Variants in CHMP5 observed in about 807,000 individuals in gnomAD.
CHMP5 encodes SNF7 domain containing 2.
CHMP5 carries 17 observed loss-of-function variants against 33.0 expected under a neutral mutation model. That is an observed-to-expected ratio of 0.52 (90% confidence interval 0.35 to 0.77). The LOEUF (loss-of-function observed/expected upper bound fraction) is 0.77. Among genes scored for constraint, CHMP5 ranks in the 30% least tolerant of loss-of-function variants. The pLI is 0.01. For missense variants in CHMP5, 216 were observed against 261.5 expected, an observed-to-expected ratio of 0.83 and a Z score of 1.20; for synonymous variants, 76 against 90.2, an observed-to-expected ratio of 0.84 and a Z score of 0.89.
Position 33,266,008 on chromosome 9 carries a change from A to AC in CHMP5, c.70-2_70-1insC. 1 of 1,602,906 alleles carries AC rather than the reference A, an allele frequency of 6.2e-7. No homozygotes were observed. The highest frequency in any genetic ancestry group is 1.7e-4 in the Middle Eastern group (1 of 6,038). On this transcript the variant is annotated splice_acceptor_variant, in intron 1 of 7. Coordinates refer to ENST00000223500, the MANE Select transcript of CHMP5 (RefSeq NM_016410.6). LOFTEE classifies it high-confidence loss of function. Reference sequence around the variant, plus strand: ...CCAGTGCATTTGATATTTTCCCCTAAGGTGGACAGTAGAGCAGAATCCATT... The same window carrying AC: ...CCAGTGCATTTGATATTTTCCCCTAACGGTGGACAGTAGAGCAGAATCCATT...
chr9:33,277,986 C>T (rs1820875077), intron 6 of CHMP5, 127 bp from the exon 7 acceptor site: 2 of 591,514 alleles, frequency 3.4e-6, no homozygotes, highest in Non-Finnish European at 3.0e-6. Flanking sequence ...GTAATGGTCA[C>T]ACAGCATACA....
chr9:33,279,517 A>G (rs1479503764), intron 7 of CHMP5, among the ~76,000 whole-genome samples: 1 of 152,090 alleles, frequency 6.6e-6, no homozygotes, highest in African/African-American at 2.4e-5. Context: ...GCAACCCATG[A>G]AATAATTTTT....
At chr9:33,271,876 T>C (rs936701523) in intron 5 of CHMP5, among the ~76,000 whole-genome samples, 4 of 152,182 alleles carry the variant, frequency 2.6e-5, no homozygotes, top group Non-Finnish European at 5.9e-5. Context: ...TTCGATGATA[T>C]TTAGTCTGTT....
At chr9:33,265,886 C>A (rs1036431244) in intron 1 of CHMP5, 124 bp from the exon 2 acceptor site, 13 of 565,366 alleles carry the variant, frequency 2.3e-5, no homozygotes, top group Non-Finnish European at 3.5e-5. Context: ...CTTTGTGAAC[C>A]ACTGTTTTTC....
chr9:33,268,237 G>A (rs1266157708), intron 3 of CHMP5, among the ~76,000 whole-genome samples: 1 of 152,164 alleles, frequency 6.6e-6, no homozygotes, highest in Admixed American at 6.5e-5. Context: ...AGCCTTATAT[G>A]GTTAGTGACT....
chr9:33,266,346 C>T (rs1820723624), intron 2 of CHMP5, among the ~76,000 whole-genome samples: 1 of 152,192 alleles, frequency 6.6e-6, no homozygotes, highest in African/African-American at 2.4e-5. Flanking sequence ...GTGGCAGGCG[C>T]CTGTAATCCC....
intron 5 of CHMP5, among the ~76,000 whole-genome samples, chr9:33,272,590 G>C (rs767134162): frequency 2.0e-5 from 3 of 152,056 alleles, no homozygotes; most frequent in Non-Finnish European, 2.9e-5. Flanking sequence ...GGATCATGAG[G>C]TCAGGAGATC....
At chr9:33,267,278 C>T (rs1302762966) in intron 2 of CHMP5, among the ~76,000 whole-genome samples, 1 of 152,170 alleles carries the variant, frequency 6.6e-6, no homozygotes, top group Non-Finnish European at 1.5e-5. Flanking sequence ...GGTAGGAAAG[C>T]CCATTTAGAT....
At chr9:33,273,094 C>G (rs1249750466) in intron 5 of CHMP5, among the ~76,000 whole-genome samples, 1 of 152,036 alleles carries the variant, frequency 6.6e-6, no homozygotes, top group African/African-American at 2.4e-5. Flanking sequence ...CTCAGCCTTC[C>G]AGATAGCTGG....
In CHMP5 at chr9:33,265,116, C is replaced by T. The variant is rs1587794817; in HGVS notation, c.38C>T (p.Pro13Leu). 1 of 1,614,168 alleles carries T rather than the reference C, an allele frequency of 6.2e-7. No individual in the cohort carries two copies. The highest frequency in any genetic ancestry group is 8.5e-7 in the Non-Finnish European group (1 of 1,180,028). Reference protein sequence around the residue: ...RLFGKAKPKAPPPSLTDCIGT... With the variant: ...RLFGKAKPKALPPSLTDCIGT... ...TTCGGGAAAGCGAAACCCAAGGCTC[C>T]GCCGCCCAGCCTGACTGACTGCATT... The change falls in exon 1 of 8, where the codon CCG becomes CTG. Residue 13 changes from proline to leucine, a missense_variant. Pro to Leu is a moderately conservative substitution (Grantham distance 98). Coordinates refer to ENST00000223500, the MANE Select transcript of CHMP5 (RefSeq NM_016410.6).
chr9:33,272,406 AAAAAG>A (rs944241941), intron 5 of CHMP5, among the ~76,000 whole-genome samples: 3 of 152,174 alleles, frequency 2.0e-5, no homozygotes, highest in South Asian at 2.1e-4. Context: ...AAAAAAAAAA[AAAAAG>A]AGAGAAAGCA....
rs1308332442 is a variant in CHMP5, at chr9:33,271,186, A to G, written c.350A>G (p.Lys117Arg). The change falls in exon 5 of 8, where the codon AAG (lysine) becomes AGG (arginine). Residue 117 changes from lysine (K) to arginine (R), a missense_variant. Transcript: ENST00000223500. ...ATGAAACTGGGAGTAAAGGAAATGA[A>G]GAAGGCATACAAGCAAGTGAAGATC... is the stretch of plus-strand genomic sequence containing the variant. ...DAMKLGVKEM[K>R]KAYKQVKIDQ... 4 of 1,613,946 alleles carry G rather than the reference A, an allele frequency of 2.5e-6. No homozygotes were observed. Among genetic ancestry groups the G allele is most frequent in the Non-Finnish European group, 3.4e-6 (4 of 1,179,902 alleles).
At chr9:33,273,224 G>C (rs1035068822) in intron 5 of CHMP5, among the ~76,000 whole-genome samples, 4 of 151,406 alleles carry the variant, frequency 2.6e-5, no homozygotes, top group African/African-American at 9.7e-5. Flanking sequence ...CGCCCACCTC[G>C]GCCTCCCAAA....
Position 33,275,264 on chromosome 9 carries a change from A to G in CHMP5, c.388-1192A>G, listed in dbSNP as rs1820839327. 2.0e-5 allele frequency among the ~76,000 whole-genome samples: 3 copies of G among 152,298 alleles called. No homozygotes were observed. The South Asian group carries it at 6.2e-4, about 32-fold the overall frequency. On this transcript the variant is annotated intron_variant, in intron 5 of 7. Transcript: ENST00000223500. ...TGGGCAGATTTTGGTATAGACAGAC[A>G]TCCTGGAACCAATCCCTTGCGTGTA...
intron 5 of CHMP5, 143 bp from the exon 6 acceptor site, chr9:33,276,313 G>C: frequency 1.8e-6 from 1 of 562,814 alleles, no homozygotes; most frequent in Admixed American, 3.5e-5. Context: ...CAGTTGTTGA[G>C]AACTGTTTAT....
intron 5 of CHMP5, among the ~76,000 whole-genome samples, chr9:33,275,846 C>T (rs1820848177): frequency 6.6e-6 from 1 of 152,066 alleles, no homozygotes; most frequent in Non-Finnish European, 1.5e-5. Context: ...CCCACCTCTA[C>T]TGAAAATACA....
chr9:33,267,968 A>G, intron 3 of CHMP5, 69 bp downstream of exon 3: 2 of 1,041,780 alleles, frequency 1.9e-6, no homozygotes, highest in Non-Finnish European at 3.0e-6. Context: ...CCATTCCTTC[A>G]GGTTTTCATA....
At chr9:33,272,237 C>A (rs1587798332) in intron 5 of CHMP5, among the ~76,000 whole-genome samples, 1 of 151,932 alleles carries the variant, frequency 6.6e-6, no homozygotes, top group Non-Finnish European at 1.5e-5. Context: ...CGCTCTTGAC[C>A]TTTACCCCCC....
At chr9:33,271,125 A>G (rs201977378) in intron 4 of CHMP5, 27 bp from the exon 5 acceptor site, 10 of 1,533,780 alleles carry the variant, frequency 6.5e-6, no homozygotes, top group South Asian at 1.1e-5. Context: ...TTACTAAAAC[A>G]TTGTGTTTTC....
Sources: allele counts gnomAD v4.1 joint callset (sites outside exome capture counted in the v4.1 genomes callset), GRCh38; gene constraint gnomAD v4.1.1; transcripts MANE v1.5; gene names NCBI Gene and HGNC (gene_info 2026-07-23, HGNC 2026-07-21).